The following CPA6 variants were observed in gnomAD, a reference collection of about 807,000 sequenced individuals.
CPA6 encodes carboxypeptidase B.
CPA6 carries 58 observed loss-of-function variants against 63.3 expected under a neutral mutation model. That is an observed-to-expected ratio of 0.92 (90% CI 0.74 to 1.14). CPA6 has a LOEUF of 1.14. Ranked by LOEUF, CPA6 falls within the 50% of genes most tolerant of loss-of-function variation. The pLI is 0.00. For missense variants in CPA6, 565 were observed against 526.6 expected (o/e 1.07, Z -0.71); for synonymous variants, 185 against 179.0 (o/e 1.03, Z -0.27).
chr8:67,449,168 C>T (rs559302877), intron 8 of CPA6, among the ~76,000 whole-genome samples: 3 of 152,246 alleles, frequency 2.0e-5, no homozygotes, highest in Admixed American at 6.5e-5. Flanking sequence ...ATGAGAATTG[C>T]TTGAAACAGG....
At chr8:67,488,392 G>A (rs1055058998) in intron 6 of CPA6, among the ~76,000 whole-genome samples, 6 of 152,158 alleles carry the variant, frequency 3.9e-5, no homozygotes, top group African/African-American at 1.4e-4. Context: ...TGAGGCCCCT[G>A]TTCTGTTCCA....
chr8:67,499,424 A>C (rs1242345762), intron 6 of CPA6, among the ~76,000 whole-genome samples: 3 of 152,218 alleles, frequency 2.0e-5, no homozygotes, highest in Non-Finnish European at 2.9e-5. Context: ...TATTTTTATA[A>C]TAAACTTCTG....
intron 6 of CPA6, among the ~76,000 whole-genome samples, chr8:67,503,968 T>TGA (rs373119754): frequency 0.08 from 12,227 of 152,102 alleles, 1,190 homozygotes; most frequent in African/African-American, 0.23. Flanking sequence ...GTGTTCTCAT[T>TGA]GTTCAACTCC....
chr8:67,434,344 A>C, intron 8 of CPA6, 104 bp from the exon 9 acceptor site: 1 of 877,662 alleles, frequency 1.1e-6, no homozygotes, highest in Non-Finnish European at 1.8e-6. Flanking sequence ...TTCTCCAAAC[A>C]TATGGTATTA....
At chr8:67,731,647 G>A (rs995551285) in intron 1 of CPA6, among the ~76,000 whole-genome samples, 1 of 152,214 alleles carries the variant, frequency 6.6e-6, no homozygotes, top group Non-Finnish European at 1.5e-5. Context: ...AAGCCTGACT[G>A]TACTCTCCAG....
chr8:67,454,676 A>G (rs1252776675), intron 8 of CPA6, among the ~76,000 whole-genome samples: 1 of 152,234 alleles, frequency 6.6e-6, no homozygotes, highest in Non-Finnish European at 1.5e-5. Flanking sequence ...CATGCAGAAC[A>G]ACTGCGGAAT....
intron 2 of CPA6, among the ~76,000 whole-genome samples, chr8:67,578,535 C>A (rs1813684283): frequency 6.6e-6 from 1 of 152,146 alleles, no homozygotes; most frequent in Admixed American, 6.5e-5. Flanking sequence ...CCCTGGCAGC[C>A]AAGTGGGCAG....
chr8:67,694,537 T>C (rs1170941649), intron 1 of CPA6, among the ~76,000 whole-genome samples: 3 of 152,218 alleles, frequency 2.0e-5, no homozygotes, highest in African/African-American at 4.8e-5. Context: ...ATATACAACA[T>C]TGGGCCTGAG....
intron 2 of CPA6, among the ~76,000 whole-genome samples, chr8:67,602,028 T>C (rs1254073229): frequency 6.6e-6 from 1 of 152,186 alleles, no homozygotes; most frequent in African/African-American, 2.4e-5. Context: ...CATGCAGTTG[T>C]AAAAAGGAAG....
At position 67,475,875 on chromosome 8, in the gene CPA6, CTTTCTCCTTTCTTT is replaced by C. The variant is rs1563967965; in HGVS notation, c.838+7879_838+7892del. Among the ~76,000 whole-genome samples the C allele has an allele frequency of 4.3e-3, 308 of 72,394 alleles. 3 individuals carry two copies. The highest frequency in any genetic ancestry group is 5.8e-3 in the South Asian group (11 of 1,894). The allele number at this position is 72,394 out of a possible 152,430, so 47.5% of individuals were successfully genotyped here. A position where few individuals can be genotyped will look rare whatever the true frequency, so the allele number is the denominator to read the frequency against. ...TCTTTCTTTCTTTCTTTCTTTCTTT[CTTTCTCCTTTCTTT>C]CTTTCTTTCTTTCTTTCTTTCTTTC... is the stretch of plus-strand genomic sequence containing the variant. On this transcript the variant is annotated intron_variant, in intron 8 of 10. Transcript: ENST00000297770.
chr8:67,559,269 A>C (rs1813143593), intron 2 of CPA6, among the ~76,000 whole-genome samples: 1 of 152,156 alleles, frequency 6.6e-6, no homozygotes, highest in Admixed American at 6.6e-5. Flanking sequence ...AATTTTATCT[A>C]GACTGTTCAG....
chr8:67,746,080 A>G lies in CPA6; in HGVS notation c.50T>C (p.Leu17Pro), dbSNP rs1405178521. ...CAGAATCTTCAAAAAGAGCCAGCAA[A>G]GAGGCAGGAAAGCAGCTGCCTGGCC... ...RRGQAAAFLPLCWLFLKILQP... is the reference protein window; with the variant it reads ...RRGQAAAFLPPCWLFLKILQP... Residue 17 changes from leucine (L) to proline (P), a missense_variant, in exon 1 of 11, where the codon CTT (leucine) becomes CCT (proline). Coordinates refer to ENST00000297770, the MANE Select transcript of CPA6 (RefSeq NM_020361.5). The G allele has an allele frequency of 6.2e-7, 1 of 1,613,986 alleles. No individual in the cohort carries two copies. Among genetic ancestry groups the G allele is most frequent in the South Asian group, 1.1e-5 (1 of 91,044 alleles).
chr8:67,513,712 T>C (rs1587509407), intron 3 of CPA6, among the ~76,000 whole-genome samples: 1 of 152,138 alleles, frequency 6.6e-6, no homozygotes, highest in Non-Finnish European at 1.5e-5. Flanking sequence ...TCAAGTCCCA[T>C]CTTCCTTGTT....
intron 6 of CPA6, among the ~76,000 whole-genome samples, chr8:67,494,268 A>T (rs1324272601): frequency 2.6e-5 from 4 of 152,106 alleles, no homozygotes; most frequent in Non-Finnish European, 4.4e-5. Flanking sequence ...TACTATACTA[A>T]AATATTTTTA....
At chr8:67,457,666 C>G (rs1008447544) in intron 8 of CPA6, among the ~76,000 whole-genome samples, 2 of 151,448 alleles carry the variant, frequency 1.3e-5, no homozygotes, top group Admixed American at 1.3e-4. Context: ...TTTTCTATAA[C>G]CAAAATAGAT....
chr8:67,670,632 C>T (rs1342960913), intron 1 of CPA6, among the ~76,000 whole-genome samples: 1 of 151,882 alleles, frequency 6.6e-6, no homozygotes, highest in Non-Finnish European at 1.5e-5. Context: ...AGGGATAGTC[C>T]GAGGGAATAA....
rs577172010 is a variant in CPA6 at position 67,586,281 on chromosome 8, C to T, written c.192+37895G>A. ...AGCTTTAGGAGTTCTGCTGCAAGTA[C>T]TACTGAGCCGCCAATAGGGGCTTCT... On this transcript the variant is annotated intron_variant, in intron 2 of 10. Coordinates refer to ENST00000297770, the MANE Select transcript of CPA6 (RefSeq NM_020361.5). 2.6e-5 allele frequency among the ~76,000 whole-genome samples: 4 copies of T among 152,216 alleles called. No homozygotes were observed. In the South Asian group the frequency reaches 6.2e-4, roughly 24 times the overall value.
intron 8 of CPA6, among the ~76,000 whole-genome samples, chr8:67,466,278 T>G (rs968851382): frequency 2.0e-5 from 3 of 152,144 alleles, no homozygotes; most frequent in African/African-American, 7.2e-5. Flanking sequence ...GAGGATCTTT[T>G]GTATTTCTGT....
At chr8:67,445,111 G>A (rs1810382584) in intron 8 of CPA6, among the ~76,000 whole-genome samples, 1 of 152,202 alleles carries the variant, frequency 6.6e-6, no homozygotes, top group Admixed American at 6.5e-5. Context: ...TGGGAAGAAA[G>A]GAGAAGGAGA....
Sources: allele counts gnomAD v4.1 joint callset (sites outside exome capture counted in the v4.1 genomes callset), GRCh38; gene constraint gnomAD v4.1.1; transcripts MANE v1.5; gene names NCBI Gene and HGNC (gene_info 2026-07-23, HGNC 2026-07-21).